Variants in FLNB observed in about 807,000 individuals in gnomAD.
The protein encoded by FLNB is filamin B, also known as filamin-B.
In FLNB, 111 loss-of-function variants were observed where a neutral mutation model predicts 250.6. The observed-to-expected ratio is 0.44, with a 90% CI of 0.38 to 0.52. FLNB has a LOEUF of 0.52. FLNB is among the 20% of genes least tolerant of loss of function. The probability of loss-of-function intolerance (pLI) is 0.00; values close to 1 mark genes in which losing one functional copy is unlikely to be tolerated. For synonymous variants in FLNB, 1,302 were observed against 1,372.1 expected (o/e 0.95, Z 1.13); for missense variants, 2,869 against 3,447.8 (o/e 0.83, Z 4.20).
chr3:58,126,761 C>T lies in FLNB; in HGVS notation c.4221C>T (p.Pro1407=), dbSNP rs2362904. 513,477 of 1,610,188 alleles carry T rather than the reference C, an allele frequency of 0.32. 105,646 individuals carry two copies. The highest frequency in any genetic ancestry group is 0.98 in the East Asian group (44,023 of 44,864). Residue 1407 remains proline, a splice_region_variant and synonymous_variant, in exon 24 of 46, where the codon CCC becomes CCT. Transcript: ENST00000295956. ...VNITYGGAHI[P]GSPFRVPVKD... ...TCACATATGGAGGAGCCCACATCCC[C>T]GGTGAGCTATTCCTCAGAGAGGACC... is the stretch of plus-strand genomic sequence containing the variant.
In FLNB at chr3:58,068,651, G is replaced by A. The variant is rs543845732; in HGVS notation, c.293-8395G>A. ...GGCTCAGAAAACAGGCAAGGATGGA[G>A]AGAAACTGCAAAGCTGACCTGGGCT... is the stretch of plus-strand genomic sequence containing the variant. On this transcript the variant is annotated intron_variant, in intron 1 of 45. Coordinates refer to ENST00000295956, the MANE Select transcript of FLNB (RefSeq NM_001457.4). Among the ~76,000 whole-genome samples, 13 of 152,326 alleles carry A rather than the reference G, an allele frequency of 8.5e-5. No homozygotes were observed. The East Asian group carries it at 2.3e-3, about 27-fold the overall frequency.
intron 1 of FLNB, among the ~76,000 whole-genome samples, chr3:58,010,538 G>C (rs938081833): frequency 1.3e-5 from 2 of 152,146 alleles, no homozygotes; most frequent in African/African-American, 4.8e-5. Context: ...TCCTGTACTG[G>C]GGAGGGAGAA....
chr3:58,025,759 C>T (rs1277973622), intron 1 of FLNB, among the ~76,000 whole-genome samples: 1 of 152,212 alleles, frequency 6.6e-6, no homozygotes, highest in Non-Finnish European at 1.5e-5. Flanking sequence ...AACCCTGTCT[C>T]TACTAAAAAT....
intron 1 of FLNB, among the ~76,000 whole-genome samples, chr3:58,059,071 G>T (rs776725620): frequency 6.6e-6 from 1 of 152,162 alleles, no homozygotes; most frequent in Non-Finnish European, 1.5e-5. Flanking sequence ...CATGTTAAAG[G>T]CTCTGAGAAG....
chr3:58,114,518 A>C (rs779615717), intron 18 of FLNB, among the ~76,000 whole-genome samples: 1 of 150,728 alleles, frequency 6.6e-6, no homozygotes, highest in African/African-American at 2.5e-5. Context: ...TATCTCTTTG[A>C]GTCTCTGCAT....
chr3:58,095,229 G>GTATGTATGTATT (rs140031981), intron 5 of FLNB, among the ~76,000 whole-genome samples: 92 of 147,812 alleles, frequency 6.2e-4, no homozygotes, highest in South Asian at 8.9e-4. Flanking sequence ...GTTTATGTAT[G>GTATGTATGTATT]TATTTATTTA....
intron 1 of FLNB, among the ~76,000 whole-genome samples, chr3:58,010,459 CT>C (rs1488184412): frequency 6.6e-6 from 1 of 152,190 alleles, no homozygotes; most frequent in Admixed American, 6.5e-5. Context: ...AGCCCTCCCC[CT>C]CCCCAAGGGT....
In FLNB at chr3:58,163,305, C is replaced by G; in HGVS notation, c.7173C>G (p.Gly2391=). ...ACCCTGCCCTGGTGTCCGCCTATGG[C>G]ACGGGACTCGAAGGGGGCACCACAG... ...AGNPALVSAY[G]TGLEGGTTGI... The change falls in exon 43 of 46, where the codon GGC becomes GGG. Residue 2391 remains glycine (G), a synonymous_variant. Transcript: ENST00000295956. The G allele has an allele frequency of 6.2e-7, 1 of 1,614,202 alleles. No homozygotes were observed. The highest frequency in any genetic ancestry group is 8.5e-7 in the Non-Finnish European group (1 of 1,180,042).
At chr3:58,082,046 G>A (rs1576684271) in intron 4 of FLNB, among the ~76,000 whole-genome samples, 1 of 152,160 alleles carries the variant, frequency 6.6e-6, no homozygotes, top group African/African-American at 2.4e-5. Flanking sequence ...TTTTTCAGAA[G>A]AGGAATCGCG....
chr3:58,125,084 A>G (rs1039577228), intron 22 of FLNB, among the ~76,000 whole-genome samples: 10 of 152,184 alleles, frequency 6.6e-5, no homozygotes, highest in Non-Finnish European at 1.3e-4. Context: ...GACTGCAGAT[A>G]GACGGTTTGT....
chr3:58,157,972 T>C (rs531095446), intron 41 of FLNB, among the ~76,000 whole-genome samples: 1 of 152,230 alleles, frequency 6.6e-6, no homozygotes, highest in East Asian at 1.9e-4. Context: ...TGATGCCGAG[T>C]GATATGTAAA....
At chr3:58,109,940 T>C in intron 15 of FLNB, 70 bp from the exon 16 acceptor site, 2 of 1,589,732 alleles carry the variant, frequency 1.3e-6, no homozygotes, top group Non-Finnish European at 1.7e-6. Context: ...GGTGTTAACC[T>C]GAGCTGGAAG....
intron 42 of FLNB, among the ~76,000 whole-genome samples, chr3:58,160,176 A>C (rs1183052137): frequency 6.6e-6 from 1 of 152,238 alleles, no homozygotes; most frequent in Non-Finnish European, 1.5e-5. Flanking sequence ...AACATCTTAC[A>C]GATTTTTATT....
At chr3:58,098,596 G>A in intron 7 of FLNB, 115 bp from the exon 8 acceptor site, 1 of 964,760 alleles carries the variant, frequency 1.0e-6, no homozygotes, top group Non-Finnish European at 1.6e-6. Flanking sequence ...GCCTCTCGAA[G>A]TGCTGGGATT....
At chr3:58,090,057 A>G (rs2097223939) in intron 4 of FLNB, among the ~76,000 whole-genome samples, 1 of 152,168 alleles carries the variant, frequency 6.6e-6, no homozygotes, top group Admixed American at 6.5e-5. Flanking sequence ...TAGGTGATCC[A>G]AAGTGCTGGG....
intron 27 of FLNB, among the ~76,000 whole-genome samples, chr3:58,135,116 A>G (rs1161317863): frequency 6.6e-6 from 1 of 152,060 alleles, no homozygotes; most frequent in Non-Finnish European, 1.5e-5. Flanking sequence ...CAACCTCCCA[A>G]AGTGCTGGGA....
chr3:58,127,282 C>T (rs1379264194), intron 24 of FLNB, among the ~76,000 whole-genome samples: 1 of 150,662 alleles, frequency 6.6e-6, no homozygotes, highest in South Asian at 2.1e-4. Context: ...GCTGAGATTG[C>T]GCCACTGCGC....
intron 1 of FLNB, among the ~76,000 whole-genome samples, chr3:58,065,192 C>T (rs915124266): frequency 2.0e-5 from 3 of 152,180 alleles, no homozygotes; most frequent in East Asian, 1.9e-4. Context: ...CCGAGAGCCT[C>T]GGCAGCGCAG....
rs578032990 is a variant in FLNB at position 58,104,016 on chromosome 3, A to C, written c.1541A>C (p.Glu514Ala). 6.2e-7 allele frequency: 1 copy of C among 1,613,754 alleles called. No homozygotes were observed. The highest frequency in any genetic ancestry group is 2.2e-5 in the East Asian group (1 of 44,860). Residue 514 changes from glutamate to alanine, a missense_variant, in exon 10 of 46, where the codon GAG (glutamate) becomes GCG (alanine). This residue lies in a region of FLNB where 1,348 missense variants were observed against 1,466.7 expected (regional missense o/e 0.92). Transcript: ENST00000295956. The stretch of plus-strand genomic sequence containing the variant: ...TTTCTGGATGGGGTCTACGCATTCG[A>C]GTATTACCCCAGCACCCCGGGGAGA... ...KDFLDGVYAF[E>A]YYPSTPGRYS...
Sources: gnomAD v4.1 joint callset for allele counts (sites outside exome capture counted in the v4.1 genomes callset) on GRCh38, gnomAD v4.1.1 for gene constraint, gnomAD v4.1.1 regional missense constraint, MANE v1.5 for transcripts, NCBI Gene and HGNC (gene_info 2026-07-23, HGNC 2026-07-21) for gene names.